ANKRD20A1: variants seen among roughly 807,000 people sequenced by gnomAD.
ANKRD20A1 encodes the protein ankyrin repeat domain-containing protein 20A1.
ANKRD20A1 carries 2 observed loss-of-function variants against 50.9 expected under a neutral mutation model. The ratio of observed to expected loss-of-function variants is 0.04; its 90% CI spans 0.02 to 0.12. ANKRD20A1 has a LOEUF of 0.12. Among genes scored for constraint, ANKRD20A1 ranks in the 10% least tolerant of loss-of-function variants. ANKRD20A1 has a pLI of 1.00. For synonymous variants in ANKRD20A1, 10 were observed against 186.2 expected, an observed-to-expected ratio of 0.05 and a Z score of 7.70; for missense variants, 31 against 548.1, an observed-to-expected ratio of 0.06 and a Z score of 9.42.
chr9:67,866,255 TA>T (rs1316230382), intron 3 of ANKRD20A1, among the ~76,000 whole-genome samples: 1 of 150,048 alleles, frequency 6.7e-6, no homozygotes, highest in African/African-American at 2.4e-5. Flanking sequence ...AAAATGGATT[TA>T]AAAAGTAGAG....
chr9:67,894,262 A>G (rs1827984438), intron 12 of ANKRD20A1, among the ~76,000 whole-genome samples: 3 of 150,550 alleles, frequency 2.0e-5, no homozygotes, highest in Non-Finnish European at 3.0e-5. Context: ...ATCATAGTAT[A>G]TTATTTGAAT....
intron 12 of ANKRD20A1, among the ~76,000 whole-genome samples, 154 bp from the exon 13 acceptor site, chr9:67,897,405 T>C (rs1340341168): frequency 6.7e-6 from 1 of 149,928 alleles, no homozygotes; most frequent in Non-Finnish European, 1.5e-5. Context: ...CTTATAATTA[T>C]AATAATTATG....
intron 3 of ANKRD20A1, among the ~76,000 whole-genome samples, 167 bp from the exon 4 acceptor site, chr9:67,867,110 G>A (rs1827581455): frequency 6.3e-5 from 3 of 47,468 alleles, no homozygotes; most frequent in South Asian, 1.5e-3. Context: ...GCAAGGCAAA[G>A]CACAGCACAT....
chr9:67,882,774 C>A (rs1444745864), intron 8 of ANKRD20A1, among the ~76,000 whole-genome samples: 1 of 146,212 alleles, frequency 6.8e-6, no homozygotes, highest in Non-Finnish European at 1.5e-5. Flanking sequence ...TCTCCTAATG[C>A]TATCCCTCCC....
At chr9:67,881,130 A>G (rs1827786891) in intron 8 of ANKRD20A1, among the ~76,000 whole-genome samples, 1 of 150,778 alleles carries the variant, frequency 6.6e-6, no homozygotes, top group Non-Finnish European at 1.5e-5. Flanking sequence ...TTGTAGAAAA[A>G]TAACTGAGTG....
At chr9:67,880,719 GTAAC>G (rs1827781020) in intron 8 of ANKRD20A1, among the ~76,000 whole-genome samples, 174 bp downstream of exon 8, 1 of 7,246 alleles carries the variant, frequency 1.4e-4, no homozygotes, top group Admixed American at 1.7e-3. Flanking sequence ...TTTAACTTTG[GTAAC>G]TAACAAAGAT....
intron 1 of ANKRD20A1, among the ~76,000 whole-genome samples, chr9:67,861,312 CAT>C (rs530398966): frequency 2.1e-5 from 1 of 48,030 alleles, no homozygotes; most frequent in Admixed American, 1.6e-4. Flanking sequence ...TTATTATGTA[CAT>C]ATGTTTTGCT....
rs538265212 is a variant in ANKRD20A1, at chr9:67,872,322, A to G, written c.793+1110A>G. Among the ~76,000 whole-genome samples the G allele has an allele frequency of 1.0e-4, 14 of 133,450 alleles. 2 individuals are homozygous for G. The highest frequency in any genetic ancestry group is 2.2e-4 in the Admixed American group (3 of 13,640). 87.5% of individuals were successfully genotyped at this position (133,450 alleles called of 152,430 possible). On this transcript the variant is annotated intron_variant, in intron 6 of 14. Coordinates refer to ENST00000562196, the MANE Select transcript of ANKRD20A1 (RefSeq NM_032250.5). The stretch of plus-strand genomic sequence containing the variant: ...ATTCGTACACAAGCAAAATGATTTT[A>G]TCTGTCATAGTTTACATACATACAC...
At chr9:67,888,977 G>A (rs1301078563) in intron 11 of ANKRD20A1, among the ~76,000 whole-genome samples, 1 of 147,252 alleles carries the variant, frequency 6.8e-6, no homozygotes, top group Non-Finnish European at 1.5e-5. Context: ...TTGTTTGTTT[G>A]TGTTTTTGAG....
chr9:67,868,238 AG>A (rs1827608639), intron 4 of ANKRD20A1, among the ~76,000 whole-genome samples, 190 bp from the exon 5 acceptor site: 1 of 84,372 alleles, frequency 1.2e-5, no homozygotes, highest in Non-Finnish European at 2.7e-5. Flanking sequence ...CCTTTCTTTT[AG>A]CCTTGGTGAC....
At position 67,900,557 on chromosome 9, in the gene ANKRD20A1, T is replaced by C. The variant is rs533181417; in HGVS notation, c.1562T>C (p.Ile521Thr). ...MDENCILKADIAILRQEICTM... is the reference protein window; with the variant it reads ...MDENCILKADTAILRQEICTM... The stretch of plus-strand genomic sequence containing the variant: ...GAAAATTGCATTTTGAAGGCAGATA[T>C]TGCTATACTCAGACAGGAAATATGT... The change falls in exon 15 of 15, where the codon ATT (isoleucine) becomes ACT (threonine). Residue 521 changes from isoleucine (I) to threonine (T), a missense_variant. Coordinates refer to ENST00000562196, the MANE Select transcript of ANKRD20A1 (RefSeq NM_032250.5). 132 of 965,608 alleles carry C rather than the reference T, an allele frequency of 1.4e-4. 25 individuals are homozygous for C. The South Asian group carries it at 2.2e-3, about 16-fold the overall frequency. The allele number at this position is 965,608 out of a possible 1,614,324, so 59.8% of individuals were successfully genotyped here.
At chr9:67,886,099 GT>G (rs1198133765) in intron 9 of ANKRD20A1, among the ~76,000 whole-genome samples, 4 of 90,582 alleles carry the variant, frequency 4.4e-5, no homozygotes, top group Non-Finnish European at 2.2e-5. Context: ...CAGGATGACA[GT>G]TCTAAAAATC....
intron 1 of ANKRD20A1, among the ~76,000 whole-genome samples, chr9:67,860,873 T>G (rs1256537229): frequency 2.6e-5 from 1 of 38,024 alleles, no homozygotes; most frequent in East Asian, 4.8e-4. Context: ...TGGAATAATA[T>G]GTGACCACTG....
chr9:67,878,491 A>AT (rs1357803098), intron 7 of ANKRD20A1, among the ~76,000 whole-genome samples: 3 of 3,890 alleles, frequency 7.7e-4, no homozygotes, highest in African/African-American at 1.3e-3. Flanking sequence ...TCTTGCCTTC[A>AT]TTTTTTAAAA....
chr9:67,871,868 AT>A (rs1827655058), intron 6 of ANKRD20A1, among the ~76,000 whole-genome samples: 1 of 142,998 alleles, frequency 7.0e-6, no homozygotes, highest in Non-Finnish European at 1.6e-5. Context: ...AGCTAGAGAA[AT>A]GAAGCTGTTA....
At chr9:67,885,658 G>A (rs1854721514) in intron 9 of ANKRD20A1, among the ~76,000 whole-genome samples, 1 of 152,418 alleles carries the variant, frequency 6.6e-6, no homozygotes. Context: ...GGAAGAAATT[G>A]AGGCTAGGCC....
chr9:67,884,293 A>G (rs1201240780), intron 8 of ANKRD20A1, among the ~76,000 whole-genome samples, 193 bp from the exon 9 acceptor site: 19 of 149,868 alleles, frequency 1.3e-4, no homozygotes, highest in African/African-American at 3.6e-4. Context: ...AGTTCCAGCT[A>G]TTCAGGAAGT....
Position 67,884,544 on chromosome 9 carries a change from A to C in ANKRD20A1, c.953A>C (p.Asn318Thr). Residue 318 changes from asparagine to threonine, a missense_variant, in exon 9 of 15, where the codon AAC becomes ACC. Coordinates refer to ENST00000562196, the MANE Select transcript of ANKRD20A1 (RefSeq NM_032250.5). ...CCTGGATCTTCGCATGAAAAAGGAAACAGAATAGTCAATGGACAAGGAGAA... is the reference window on the plus strand; with the variant it reads ...CCTGGATCTTCGCATGAAAAAGGAACCAGAATAGTCAATGGACAAGGAGAA... ...PLPGSSHEKG[N>T]RIVNGQGEGP... is the part of the protein sequence containing the mutation. 6.3e-7 allele frequency: 1 copy of C among 1,591,974 alleles called. No individual in the cohort carries two copies. The highest frequency in any genetic ancestry group is 8.5e-7 in the Non-Finnish European group (1 of 1,178,490).
In ANKRD20A1 at chr9:67,864,650, A is replaced by C. The variant is rs1220738518; in HGVS notation, c.492+1259A>C. On this transcript the variant is annotated intron_variant, in intron 3 of 14. Transcript: ENST00000562196. ...AGTGAGACTCTTGTCTCTAACAACA[A>C]TAATAGCCAAAAAAAAAAAAAAAAA... Among the ~76,000 whole-genome samples the C allele has an allele frequency of 2.3e-4, 6 of 26,470 alleles. 3 individuals are homozygous for C. The highest frequency in any genetic ancestry group is 4.4e-4 in the Non-Finnish European group (6 of 13,790). 17.4% of individuals were successfully genotyped at this position (26,470 alleles called of 152,430 possible). A position where few individuals can be genotyped will look rare whatever the true frequency, so the allele number is the denominator to read the frequency against.
Sources: gnomAD v4.1 joint callset for allele counts (sites outside exome capture counted in the v4.1 genomes callset) on GRCh38, gnomAD v4.1.1 for gene constraint, MANE v1.5 for transcripts, NCBI Gene and HGNC (gene_info 2026-07-23, HGNC 2026-07-21) for gene names.